The following SUGCT variants were observed in gnomAD, a reference collection of about 807,000 sequenced individuals.
The protein encoded by SUGCT is succinyl-CoA:glutarate CoA-transferase.
Under a neutral mutation model 55.0 loss-of-function variants are expected in SUGCT, and 41 were observed. That is an observed-to-expected ratio of 0.74 (90% CI 0.58 to 0.97). The LOEUF (loss-of-function observed/expected upper bound fraction) is 0.97, where lower values mean the gene tolerates loss of function less well. SUGCT is among the 50% of genes least tolerant of loss of function. The pLI is 0.00. For missense variants in SUGCT, 568 were observed against 547.8 expected, an observed-to-expected ratio of 1.04 and a Z score of -0.37; for synonymous variants, 187 against 200.4, an observed-to-expected ratio of 0.93 and a Z score of 0.56.
At chr7:40,565,168 G>A (rs968771191) in intron 12 of SUGCT, among the ~76,000 whole-genome samples, 6 of 152,126 alleles carry the variant, frequency 3.9e-5, no homozygotes, top group Non-Finnish European at 7.3e-5. Context: ...TTTTAGTAGC[G>A]TTCTCTCAAT....
At chr7:40,275,472 A>G (rs1300791476) in intron 8 of SUGCT, among the ~76,000 whole-genome samples, 1 of 152,212 alleles carries the variant, frequency 6.6e-6, no homozygotes, top group Non-Finnish European at 1.5e-5. Flanking sequence ...TTAAACCACA[A>G]TATCTAATAG....
At chr7:40,329,054 G>C (rs921406053) in intron 9 of SUGCT, among the ~76,000 whole-genome samples, 2 of 152,116 alleles carry the variant, frequency 1.3e-5, no homozygotes, top group South Asian at 4.1e-4. Context: ...AGTTGGATTC[G>C]CATGTAGTTA....
intron 13 of SUGCT, among the ~76,000 whole-genome samples, chr7:40,846,438 G>A (rs974751810): frequency 7.9e-5 from 12 of 151,408 alleles, no homozygotes; most frequent in African/African-American, 1.5e-4. Context: ...AGACCTCAGC[G>A]GAAGGTTTGG....
At chr7:40,862,741 T>C (rs1285402039), downstream of SUGCT, among the ~76,000 whole-genome samples, 2 of 151,970 alleles carry the variant, frequency 1.3e-5, no homozygotes, top group Non-Finnish European at 2.9e-5. Context: ...GTTTTTTTTT[T>C]TTTTTTATTC....
chr7:40,813,993 A>C lies in SUGCT; in HGVS notation c.1154-46323A>C, dbSNP rs1471507728. ...ATGAAGCTTAGTTTGGTGGGATATGAAATTCTTGGTTGGAACTCTTTTTCC... is the reference window on the plus strand; with the variant it reads ...ATGAAGCTTAGTTTGGTGGGATATGCAATTCTTGGTTGGAACTCTTTTTCC... On this transcript the variant is annotated intron_variant, in intron 13 of 13. Transcript: ENST00000335693. Among the ~76,000 whole-genome samples, 8 of 152,296 alleles carry C rather than the reference A, an allele frequency of 5.3e-5. No homozygotes were observed. In the East Asian group the frequency reaches 1.2e-3, roughly 22 times the overall value.
chr7:40,853,157 T>C (rs1049304769), intron 13 of SUGCT, among the ~76,000 whole-genome samples: 5 of 152,014 alleles, frequency 3.3e-5, no homozygotes, highest in African/African-American at 1.2e-4. Context: ...TATATGTAGA[T>C]CATACAGCCC....
chr7:40,432,493 A>T (rs1370547233), intron 9 of SUGCT, among the ~76,000 whole-genome samples: 1 of 151,970 alleles, frequency 6.6e-6, no homozygotes, highest in African/African-American at 2.4e-5. Context: ...TGAGACCAGG[A>T]TGACCAACAT....
intron 1 of SUGCT, among the ~76,000 whole-genome samples, chr7:40,145,233 A>G (rs1788183535): frequency 6.6e-6 from 1 of 152,178 alleles, no homozygotes; most frequent in African/African-American, 2.4e-5. Flanking sequence ...TAATCCTTTT[A>G]CCAAAAGTAT....
chr7:40,503,344 T>C (rs1008995123), intron 12 of SUGCT, among the ~76,000 whole-genome samples: 1 of 152,066 alleles, frequency 6.6e-6, no homozygotes, highest in Non-Finnish European at 1.5e-5. Flanking sequence ...TAGCAAGTGG[T>C]TTTTCAAGTC....
chr7:40,259,411 G>T (rs6968403), intron 7 of SUGCT, among the ~76,000 whole-genome samples: 1 of 152,120 alleles, frequency 6.6e-6, no homozygotes, highest in East Asian at 1.9e-4. Context: ...CTGTGGCTAC[G>T]CGACTGTATT....
chr7:40,459,187 A>T lies in SUGCT; in HGVS notation c.975A>T (p.Ile325=). The T allele has an allele frequency of 1.3e-6, 2 of 1,596,266 alleles. No individual in the cohort carries two copies. Among genetic ancestry groups the T allele is most frequent in the East Asian group, 2.2e-5 (1 of 44,690 alleles). Residue 325 remains isoleucine (I), a synonymous_variant, in exon 11 of 14, where the codon ATA becomes ATT. Coordinates refer to ENST00000335693, the MANE Select transcript of SUGCT (RefSeq NM_001193313.2). ...RVHNRKELIK[I]LSERFEEELT... ...ACAATAGAAAAGAGCTTATTAAAATATTATCTGAACGGTAAGTTTGGATGT... is the reference window on the plus strand; with the variant it reads ...ACAATAGAAAAGAGCTTATTAAAATTTTATCTGAACGGTAAGTTTGGATGT...
chr7:41,013,783 T>G, the SUGCT span, among the ~76,000 whole-genome samples: 1 of 151,974 alleles, frequency 6.6e-6, no homozygotes, highest in African/African-American at 2.4e-5. Context: ...AAAGAAACAT[T>G]GACTTTTGAT....
the SUGCT span, among the ~76,000 whole-genome samples, chr7:40,887,038 G>A: frequency 6.6e-6 from 1 of 152,164 alleles, no homozygotes; most frequent in African/African-American, 2.4e-5. Context: ...CTGTACACCA[G>A]AAATGGCAGG....
chr7:40,902,817 G>C, the SUGCT span, among the ~76,000 whole-genome samples: 1 of 151,950 alleles, frequency 6.6e-6, no homozygotes, highest in Admixed American at 6.6e-5. Flanking sequence ...TTCTGCTCTG[G>C]CCTCGTCTTT....
chr7:40,153,108 A>T (rs1788668095), intron 1 of SUGCT: 1 of 203,602 alleles, frequency 4.9e-6, no homozygotes, highest in African/African-American at 2.4e-5. Flanking sequence ...CAAGAAGTCC[A>T]AACAGATGAA....
intron 8 of SUGCT, among the ~76,000 whole-genome samples, chr7:40,291,086 A>G (rs922581885): frequency 6.6e-6 from 1 of 152,108 alleles, no homozygotes; most frequent in Non-Finnish European, 1.5e-5. Flanking sequence ...CCATTGTGGA[A>G]GTCAGTGTGG....
intron 9 of SUGCT, among the ~76,000 whole-genome samples, chr7:40,437,411 C>T (rs1788238271): frequency 6.6e-6 from 1 of 152,138 alleles, no homozygotes; most frequent in Admixed American, 6.6e-5. Flanking sequence ...TTCAAGGTTA[C>T]TCTAGAATTA....
At chr7:40,769,161 T>G (rs1330530087) in intron 13 of SUGCT, among the ~76,000 whole-genome samples, 3 of 152,006 alleles carry the variant, frequency 2.0e-5, no homozygotes, top group Non-Finnish European at 4.4e-5. Context: ...GCAGTAATAG[T>G]AGAGTTAAAA....
chr7:40,433,344 T>C lies in SUGCT; in HGVS notation c.817-15943T>C, dbSNP rs530642229. On this transcript the variant is annotated intron_variant, in intron 9 of 13. Transcript: ENST00000335693. ...GTCATGTTTTCTTTTTTTCTTTTTT[T>C]TTTTGTCTTATAACTTCTTGTTGAT... Among the ~76,000 whole-genome samples, 7 of 152,108 alleles carry C rather than the reference T, an allele frequency of 4.6e-5. No individual in the cohort carries two copies. In the South Asian group the frequency reaches 8.3e-4, roughly 18 times the overall value.
Sources: allele counts gnomAD v4.1 joint callset (sites outside exome capture counted in the v4.1 genomes callset), GRCh38; gene constraint gnomAD v4.1.1; transcripts MANE v1.5; gene names NCBI Gene and HGNC (gene_info 2026-07-23, HGNC 2026-07-21).